DTNBP1: variants seen among roughly 807,000 people sequenced by gnomAD.
The protein encoded by DTNBP1 is dysbindin.
A neutral mutation model predicts 42.8 loss-of-function variants in DTNBP1; 35 were observed. That is an observed-to-expected ratio of 0.82 (90% CI 0.63 to 1.09). The LOEUF (loss-of-function observed/expected upper bound fraction) is 1.09, where lower values mean the gene tolerates loss of function less well. DTNBP1 is among the 50% of genes least tolerant of loss of function. DTNBP1 has a pLI of 0.00. For synonymous variants in DTNBP1, 171 were observed against 162.2 expected (o/e 1.05, Z -0.41); for missense variants, 457 against 424.2 (o/e 1.08, Z -0.68).
chr6:15,660,517 G>A, intron 1 of DTNBP1: 1 of 1,289,758 alleles, frequency 7.8e-7, no homozygotes, highest in South Asian at 1.2e-5. Context: ...TCAGCTGAAA[G>A]TGACCTGTAC....
chr6:15,648,865 A>G (rs1430374007), intron 3 of DTNBP1, among the ~76,000 whole-genome samples: 1 of 152,102 alleles, frequency 6.6e-6, no homozygotes, highest in East Asian at 1.9e-4. Flanking sequence ...CTTTGCAAAC[A>G]ATAGAAAATA....
intron 7 of DTNBP1, among the ~76,000 whole-genome samples, chr6:15,564,885 T>A (rs1775001160): frequency 6.6e-6 from 1 of 152,150 alleles, no homozygotes; most frequent in South Asian, 2.1e-4. Context: ...TAGGCCATGA[T>A]GGGCGGCTCT....
Position 15,637,800 on chromosome 6 carries a change from C to T in DTNBP1, c.166G>A (p.Glu56Lys), listed in dbSNP as rs1760118971. ...SAGLELLSRY[E>K]DTWAALHRRA... is the part of the protein sequence containing the mutation. ...CTGTGAAGTGCAGCCCATGTATCCT[C>T]ATACCTAAAAAAAAGCAAAAAATAA... Residue 56 changes from glutamate to lysine, a missense_variant, in exon 4 of 10, where the codon GAG (glutamate) becomes AAG (lysine). By Grantham distance (56) the Glu-to-Lys change is moderately conservative. Coordinates refer to ENST00000344537, the MANE Select transcript of DTNBP1 (RefSeq NM_032122.5). 1 of 1,612,864 alleles carries T rather than the reference C, an allele frequency of 6.2e-7. No individual in the cohort carries two copies. The highest frequency in any genetic ancestry group is 1.3e-5 in the African/African-American group (1 of 74,868).
chr6:15,528,107 G>A (rs538664609), intron 8 of DTNBP1, among the ~76,000 whole-genome samples: 4 of 152,280 alleles, frequency 2.6e-5, no homozygotes, highest in African/African-American at 7.2e-5. Flanking sequence ...CTGTAGACAA[G>A]GTTCGTCAAC....
intron 7 of DTNBP1, among the ~76,000 whole-genome samples, chr6:15,553,560 T>G (rs958076108): frequency 7.4e-6 from 1 of 135,902 alleles, no homozygotes; most frequent in South Asian, 2.6e-4. Flanking sequence ...CTATTCTTCA[T>G]GTGCAAAGCA....
At chr6:15,546,597 T>C (rs901643093) in intron 7 of DTNBP1, among the ~76,000 whole-genome samples, 25 of 152,168 alleles carry the variant, frequency 1.6e-4, no homozygotes, top group African/African-American at 5.3e-4. Flanking sequence ...ATGTGATTGA[T>C]TGAAGAATGA....
At chr6:15,539,340 C>T (rs56356839) in intron 7 of DTNBP1, among the ~76,000 whole-genome samples, 1 of 152,206 alleles carries the variant, frequency 6.6e-6, no homozygotes. Context: ...AGACGGTCTG[C>T]CACAGTGGGA....
chr6:15,625,560 A>G (rs1759291757), intron 5 of DTNBP1, among the ~76,000 whole-genome samples: 1 of 152,252 alleles, frequency 6.6e-6, no homozygotes, highest in African/African-American at 2.4e-5. Flanking sequence ...TCAGGATATT[A>G]GAATCCTAAT....
At chr6:15,525,997 CAGAG>C (rs1404756565) in intron 8 of DTNBP1, among the ~76,000 whole-genome samples, 5 of 152,018 alleles carry the variant, frequency 3.3e-5, no homozygotes, top group South Asian at 2.1e-4. Flanking sequence ...AAAAGGCAGC[CAGAG>C]AGAGAGGGCA....
intron 7 of DTNBP1, among the ~76,000 whole-genome samples, chr6:15,561,346 C>T (rs1774830975): frequency 1.3e-5 from 2 of 152,210 alleles, no homozygotes; most frequent in African/African-American, 4.8e-5. Context: ...TTTTGCTTTA[C>T]TCTTGTGGAA....
chr6:15,619,303 A>T (rs936973832), intron 5 of DTNBP1, among the ~76,000 whole-genome samples: 1 of 152,228 alleles, frequency 6.6e-6, no homozygotes, highest in African/African-American at 2.4e-5. Flanking sequence ...CATGTATCAA[A>T]AATCACACTG....
intron 7 of DTNBP1, chr6:15,585,761 T>C (rs1776054738): frequency 2.6e-6 from 4 of 1,534,816 alleles, no homozygotes; most frequent in African/African-American, 1.4e-5. Context: ...GGAGATGACA[T>C]GGATGTGAGA....
intron 9 of DTNBP1, chr6:15,524,235 A>C: frequency 6.4e-7 from 1 of 1,565,270 alleles, no homozygotes; most frequent in Non-Finnish European, 8.6e-7. Context: ...GAGCAGACTC[A>C]AATGGATTTC....
At chr6:15,555,632 T>C (rs1311129472) in intron 7 of DTNBP1, among the ~76,000 whole-genome samples, 1 of 152,220 alleles carries the variant, frequency 6.6e-6, no homozygotes, top group African/African-American at 2.4e-5. Flanking sequence ...ACAAATGCTA[T>C]GGCTATGTCC....
chr6:15,523,957 C>A, intron 9 of DTNBP1: 2 of 1,287,458 alleles, frequency 1.6e-6, no homozygotes, highest in Non-Finnish European at 2.0e-6. Context: ...AAGAACTGGT[C>A]TGAAATTTGA....
intron 1 of DTNBP1, chr6:15,660,643 A>G (rs1761552141): frequency 3.4e-6 from 3 of 880,122 alleles, no homozygotes; most frequent in Non-Finnish European, 4.7e-6. Flanking sequence ...TTCTAACTAG[A>G]TCCCTTTGGC....
chr6:15,647,034 C>T (rs1055900407), intron 3 of DTNBP1, among the ~76,000 whole-genome samples: 6 of 151,926 alleles, frequency 3.9e-5, no homozygotes, highest in Non-Finnish European at 7.4e-5. Context: ...AGAGCTTCTG[C>T]GTAGCAAAAG....
intron 5 of DTNBP1, among the ~76,000 whole-genome samples, chr6:15,622,959 T>C (rs1759128449): frequency 6.6e-6 from 1 of 152,222 alleles, no homozygotes; most frequent in Non-Finnish European, 1.5e-5. Flanking sequence ...GAACTCTCCT[T>C]GGCTGCAAAC....
intron 5 of DTNBP1, among the ~76,000 whole-genome samples, chr6:15,624,011 C>G (rs1289421454): frequency 6.6e-6 from 1 of 152,214 alleles, no homozygotes; most frequent in Non-Finnish European, 1.5e-5. Context: ...TAGAGAGGCC[C>G]CCATTAGAAC....
Sources: gnomAD v4.1 joint callset for allele counts (sites outside exome capture counted in the v4.1 genomes callset) on GRCh38, gnomAD v4.1.1 for gene constraint, MANE v1.5 for transcripts, NCBI Gene and HGNC (gene_info 2026-07-23, HGNC 2026-07-21) for gene names.